ZNF398: variants seen among roughly 807,000 people sequenced by gnomAD.
The protein encoded by ZNF398 is zinc finger DNA binding protein ZER6.
ZNF398 carries 18 observed loss-of-function variants against 41.9 expected under a neutral mutation model. The ratio of observed to expected loss-of-function variants is 0.43; its 90% CI spans 0.30 to 0.64. ZNF398 has a LOEUF of 0.64. Ranked by LOEUF, ZNF398 falls within the 30% of genes least tolerant of loss-of-function variation. ZNF398 has a pLI of 0.14. For missense variants in ZNF398, 669 were observed against 822.8 expected, an observed-to-expected ratio of 0.81 and a Z score of 2.29; for synonymous variants, 260 against 308.8, an observed-to-expected ratio of 0.84 and a Z score of 1.66.
chr7:149,179,947 C>A lies in ZNF398; in HGVS notation c.*146C>A. The A allele has an allele frequency of 1.5e-6, 1 of 645,654 alleles. No homozygotes were observed. The highest frequency in any genetic ancestry group is 2.4e-6 in the Non-Finnish European group (1 of 419,626). The allele number at this position is 645,654 out of a possible 1,614,324, so 40.0% of individuals were successfully genotyped here. ...GGGGTCCTATACACTTGACTAGAGA[C>A]ATGCTTGTGTTTTGGAATTTCACAC... On this transcript the variant is annotated 3_prime_UTR_variant, in exon 6 of 6. Coordinates refer to ENST00000475153, the MANE Select transcript of ZNF398 (RefSeq NM_170686.3). The surrounding 1 kb of genome is among the most constrained non-coding windows in gnomAD (Gnocchi z 6.1).
chr7:149,161,184 T>C (rs1450772601), intron 2 of ZNF398, among the ~76,000 whole-genome samples: 1 of 152,184 alleles, frequency 6.6e-6, no homozygotes, highest in East Asian at 1.9e-4. Context: ...CCAGGATCTT[T>C]TCCTAACTTT....
chr7:149,159,008 T>C (rs1263178005), intron 2 of ZNF398, among the ~76,000 whole-genome samples: 2 of 149,600 alleles, frequency 1.3e-5, no homozygotes, highest in Non-Finnish European at 3.0e-5. Flanking sequence ...TGAGATGGAG[T>C]CTCCCTCTTG....
intron 2 of ZNF398, among the ~76,000 whole-genome samples, chr7:149,158,998 T>G (rs1197703589): frequency 2.6e-5 from 4 of 151,796 alleles, no homozygotes; most frequent in Admixed American, 6.6e-5. Context: ...TTTTTTTTTT[T>G]GAGATGGAGT....
Position 149,182,732 on chromosome 7 carries a change from T to C in ZNF398, c.*2931T>C, listed in dbSNP as rs1795620447. 1 of 152,226 alleles carries C rather than the reference T, an allele frequency of 6.6e-6. No homozygotes were observed. The highest frequency in any genetic ancestry group is 2.4e-5 in the African/African-American group (1 of 41,456). 9.4% of individuals were successfully genotyped at this position (152,226 alleles called of 1,614,324 possible). On this transcript the variant is annotated 3_prime_UTR_variant, in exon 6 of 6. Transcript: ENST00000475153. ...CTTACTAGGTTTTCCATTGTCACCA[T>C]TGGATGAACCTCTGGTTTAGCCACA... is the stretch of plus-strand genomic sequence containing the variant.
intron 4 of ZNF398, among the ~76,000 whole-genome samples, chr7:149,168,295 C>G (rs766879311): frequency 1.1e-4 from 17 of 151,918 alleles, no homozygotes; most frequent in Non-Finnish European, 1.8e-4. Context: ...CCAGACTGGT[C>G]TCGAACTCCT....
rs777742663 is a variant in ZNF398 at position 149,176,518 on chromosome 7, G to A, written c.712G>A (p.Glu238Lys). ...DILSWIKQEEEPQVGAPPESK... is the reference protein window; with the variant it reads ...DILSWIKQEEKPQVGAPPESK... ...TCTGTCTTGGATTAAACAAGAAGAA[G>A]AGCCTCAGGTTGGGGCCCCACCGGA... Residue 238 changes from glutamate (E) to lysine (K), a missense_variant, in exon 5 of 6, where the codon GAG (glutamate) becomes AAG (lysine). Transcript: ENST00000475153. The A allele has an allele frequency of 6.2e-7, 1 of 1,613,424 alleles. No homozygotes were observed. The highest frequency in any genetic ancestry group is 8.5e-7 in the Non-Finnish European group (1 of 1,179,926).
At chr7:149,141,018 C>A (rs137926988) in intron 2 of ZNF398, among the ~76,000 whole-genome samples, 4 of 139,408 alleles carry the variant, frequency 2.9e-5, no homozygotes, top group African/African-American at 1.1e-4. Flanking sequence ...CCAGCCTGCG[C>A]GACAGAGGCA....
At chr7:149,161,281 T>C (rs1795100224) in intron 2 of ZNF398, among the ~76,000 whole-genome samples, 1 of 152,082 alleles carries the variant, frequency 6.6e-6, no homozygotes, top group Non-Finnish European at 1.5e-5. Context: ...AGGCCAGGTG[T>C]GGTGACTCAA....
chr7:149,161,842 CA>C (rs1585527486), intron 2 of ZNF398, among the ~76,000 whole-genome samples: 1 of 149,924 alleles, frequency 6.7e-6, no homozygotes. Context: ...GTTAAAAGCC[CA>C]AATACAGCAA....
chr7:149,175,628 A>C (rs913350817), intron 4 of ZNF398, among the ~76,000 whole-genome samples: 16 of 152,172 alleles, frequency 1.1e-4, no homozygotes, highest in African/African-American at 3.6e-4. Flanking sequence ...AGGGAGTTGG[A>C]TTCTGTGTCT....
At position 149,176,541 on chromosome 7, in the gene ZNF398, G is replaced by A. The variant is rs113060841; in HGVS notation, c.735G>A (p.Pro245=). The A allele has an allele frequency of 0.024, 38,527 of 1,611,868 alleles. 492 individuals carry two copies. The highest frequency in any genetic ancestry group is 0.029 in the Admixed American group (1,731 of 59,410). The stretch of plus-strand genomic sequence containing the variant: ...AAGAGCCTCAGGTTGGGGCCCCACC[G>A]GAGTCCAAGGAGAGTGACGTGTACA... The part of the protein sequence containing the change: ...QEEEPQVGAP[P]ESKESDVYKS... Residue 245 remains proline, a synonymous_variant, in exon 5 of 6, where the codon CCG becomes CCA. Transcript: ENST00000475153.
Position 149,154,303 on chromosome 7 carries a change from T to C in ZNF398, c.383T>C (p.Leu128Pro). 4.3e-6 allele frequency: 7 copies of C among 1,613,940 alleles called. No individual in the cohort carries two copies. The highest frequency in any genetic ancestry group is 2.2e-5 in the South Asian group (2 of 91,082). ...CTGCGCAACAGGAACTTCTGGATCC[T>C]GCGGCTCCCTCCAGGTATTAAGGGA... ...NLLRNRNFWI[L>P]RLPPGIKGDI... The change falls in exon 2 of 6, where the codon CTG (leucine) becomes CCG (proline). Residue 128 changes from leucine to proline, a missense_variant. Leu to Pro is a moderately conservative substitution (Grantham distance 98). Transcript: ENST00000475153.
At chr7:149,152,816 A>G (rs951051741) in intron 1 of ZNF398, among the ~76,000 whole-genome samples, 4 of 150,894 alleles carry the variant, frequency 2.7e-5, no homozygotes, top group African/African-American at 9.8e-5. Flanking sequence ...CGGCCTCTCA[A>G]AGTACTGGGA....
At chr7:149,136,954 C>T (rs1826727141) in intron 2 of ZNF398, among the ~76,000 whole-genome samples, 1 of 151,250 alleles carries the variant, frequency 6.6e-6, no homozygotes, top group South Asian at 2.1e-4. Context: ...ACAACCTTCA[C>T]TTTCTGGGTT....
chr7:149,176,008 G>A (rs138110016), intron 4 of ZNF398, among the ~76,000 whole-genome samples: 1 of 152,064 alleles, frequency 6.6e-6, no homozygotes, highest in East Asian at 1.9e-4. Flanking sequence ...TTAAAAGGCT[G>A]GTTCTGTGTT....
rs1795601200 is a variant in ZNF398 at position 149,181,920 on chromosome 7, T to C, written c.*2119T>C. On this transcript the variant is annotated 3_prime_UTR_variant, in exon 6 of 6. Transcript: ENST00000475153. The stretch of plus-strand genomic sequence containing the variant: ...TGAGATTCAGCTCTAGTTTGCACCT[T>C]GATTTCCCCAGTGAAAAGGGAGAAG... 1 of 152,186 alleles carries C rather than the reference T, an allele frequency of 6.6e-6. No homozygotes were observed. Among genetic ancestry groups the C allele is most frequent in the African/African-American group, 2.4e-5 (1 of 41,456 alleles). The allele number at this position is 152,186 out of a possible 1,614,324, so 9.4% of individuals were successfully genotyped here. A position where few individuals can be genotyped will look rare whatever the true frequency, so the allele number is the denominator to read the frequency against.
At chr7:149,173,091 CTATTT>C (rs1215650066) in intron 4 of ZNF398, among the ~76,000 whole-genome samples, 4 of 67,184 alleles carry the variant, frequency 6.0e-5, no homozygotes, top group African/African-American at 2.1e-4. Context: ...GTGGCAATTT[CTATTT>C]TTTTTTTTTT....
At chr7:149,149,571 TCAAGCCTGTTATCCC>T (rs900583624) in intron 1 of ZNF398, among the ~76,000 whole-genome samples, 2 of 152,046 alleles carry the variant, frequency 1.3e-5, no homozygotes, top group African/African-American at 4.8e-5. Flanking sequence ...GTGTGGTGGC[TCAAGCCTGTTATCCC>T]AAGCACTTCA....
chr7:149,137,095 G>A (rs2129519430), intron 2 of ZNF398, among the ~76,000 whole-genome samples: 1 of 152,240 alleles, frequency 6.6e-6, no homozygotes, highest in Non-Finnish European at 1.5e-5. Flanking sequence ...TTGAACTCCT[G>A]ACCTCAGGTG....
Sources: gnomAD v4.1 joint callset for allele counts (sites outside exome capture counted in the v4.1 genomes callset) on GRCh38, gnomAD v4.1.1 for gene constraint, Gnocchi (gnomAD v3.1) non-coding constraint, MANE v1.5 for transcripts, NCBI Gene and HGNC (gene_info 2026-07-23, HGNC 2026-07-21) for gene names.